The following DNAAF4 variants were observed in gnomAD, a reference collection of about 807,000 sequenced individuals.
DNAAF4 encodes the protein dynein assembly factor 4, axonemal.
Under a neutral mutation model 51.8 loss-of-function variants are expected in DNAAF4, and 43 were observed. The observed-to-expected ratio is 0.83, with a 90% CI of 0.65 to 1.07. The LOEUF is 1.07. Among genes scored for constraint, DNAAF4 ranks in the 50% least tolerant of loss-of-function variants. DNAAF4 has a pLI of 0.00. For synonymous variants in DNAAF4, 194 were observed against 165.6 expected (o/e 1.17, Z -1.32); for missense variants, 581 against 493.0 (o/e 1.18, Z -1.69).
rs2057549888 is a variant in DNAAF4, at chr15:55,433,909, T to TAAA, written c.1047+995_1047+996insTTT. Among the ~76,000 whole-genome samples, 4 of 5,634 alleles carry TAAA rather than the reference T, an allele frequency of 7.1e-4. 1 individual carries two copies. The South Asian group carries it at 0.027, about 38-fold the overall frequency. The allele number at this position is 5,634 out of a possible 152,430, so 3.7% of individuals were successfully genotyped here. A position where few individuals can be genotyped will look rare whatever the true frequency, so the allele number is the denominator to read the frequency against. On this transcript the variant is annotated intron_variant, in intron 8 of 9. Transcript: ENST00000321149. ...TTATATATATATTATATATATTATA[T>TAAA]ATAATTATATATATTATATTATATA...
chr15:55,434,001 A>T (rs1193197927), intron 8 of DNAAF4, among the ~76,000 whole-genome samples: 4 of 53,020 alleles, frequency 7.5e-5, no homozygotes, highest in Non-Finnish European at 7.6e-5. Context: ...ATATAATATT[A>T]TATATATTAT....
chr15:55,455,160 A>C (rs1252655003), intron 5 of DNAAF4, among the ~76,000 whole-genome samples: 1 of 149,468 alleles, frequency 6.7e-6, no homozygotes, highest in Non-Finnish European at 1.5e-5. Context: ...AAAACTCCAG[A>C]CCTAGACAGT....
intron 8 of DNAAF4, among the ~76,000 whole-genome samples, chr15:55,434,526 T>C (rs761086097): frequency 2.4e-4 from 36 of 151,936 alleles, no homozygotes; most frequent in Non-Finnish European, 1.5e-4. Flanking sequence ...AATGAGAAAA[T>C]GATTGTAGAG....
At chr15:55,497,131 C>G (rs927375231) in intron 3 of DNAAF4, among the ~76,000 whole-genome samples, 5 of 152,180 alleles carry the variant, frequency 3.3e-5, no homozygotes, top group African/African-American at 1.2e-4. Context: ...CCTATTAAGA[C>G]AGTCCCTAAA....
downstream of DNAAF4, among the ~76,000 whole-genome samples, chr15:55,426,394 A>T (rs902308215): frequency 2.0e-5 from 3 of 152,226 alleles, no homozygotes; most frequent in Admixed American, 6.5e-5. Flanking sequence ...GGTTGTTAAC[A>T]TCTTTGTTTC....
At chr15:55,486,438 C>T (rs8027015) in intron 4 of DNAAF4, among the ~76,000 whole-genome samples, 6,152 of 152,104 alleles carry the variant, frequency 0.04, 414 homozygotes, top group African/African-American at 0.14. Context: ...AGGTGATCCA[C>T]CTGCCTCGGC....
Position 55,467,108 on chromosome 15 carries a change from T to C in DNAAF4, c.459A>G (p.Ile153Met), listed in dbSNP as rs2058181541. 1.9e-6 allele frequency: 3 copies of C among 1,545,814 alleles called. No individual in the cohort carries two copies. The highest frequency in any genetic ancestry group is 2.6e-6 in the Non-Finnish European group (3 of 1,148,712). ...AGGCTTCCAATGCTTTAGTGGCTTT[T>C]ATCCGTTCATTTTCTTTCATATCTT... ...KIEDMKENER[I>M]KATKALEAWK... is the part of the protein sequence containing the mutation. Residue 153 changes from isoleucine (I) to methionine (M), a missense_variant, in exon 5 of 10, where the codon ATA becomes ATG. Coordinates refer to ENST00000321149, the MANE Select transcript of DNAAF4 (RefSeq NM_130810.4).
At chr15:55,419,638 G>A (rs1425629432) in intron 7 of DNAAF4, among the ~76,000 whole-genome samples, 1 of 152,124 alleles carries the variant, frequency 6.6e-6, no homozygotes, top group African/African-American at 2.4e-5. Flanking sequence ...TTTGAACCCC[G>A]ACTGATGGCA....
At chr15:55,470,940 A>C (rs1434916360) in intron 4 of DNAAF4, among the ~76,000 whole-genome samples, 5 of 139,588 alleles carry the variant, frequency 3.6e-5, no homozygotes, top group Admixed American at 8.1e-5. Context: ...TGTAGCTTCC[A>C]CTTCCTAGGC....
At chr15:55,462,172 C>A (rs2058102209) in intron 5 of DNAAF4, among the ~76,000 whole-genome samples, 1 of 151,526 alleles carries the variant, frequency 6.6e-6, no homozygotes, top group Non-Finnish European at 1.5e-5. Context: ...TAAAAAAAGT[C>A]CAGGACCAGA....
intron 1 of DNAAF4, among the ~76,000 whole-genome samples, chr15:55,502,495 T>A (rs2058704723): frequency 6.6e-6 from 1 of 152,210 alleles, no homozygotes; most frequent in African/African-American, 2.4e-5. Flanking sequence ...CTTCATGTCC[T>A]TAAGAAGGTT....
chr15:55,460,566 C>A (rs1267209251), intron 5 of DNAAF4, among the ~76,000 whole-genome samples: 1 of 152,136 alleles, frequency 6.6e-6, no homozygotes, highest in African/African-American at 2.4e-5. Context: ...CAGTACTCTA[C>A]TGACAGCACT....
intron 3 of DNAAF4, among the ~76,000 whole-genome samples, chr15:55,496,055 C>A (rs1276178261): frequency 6.6e-6 from 1 of 152,190 alleles, no homozygotes; most frequent in Non-Finnish European, 1.5e-5. Context: ...ATAGTGAAAC[C>A]TTGTCTCTAC....
In DNAAF4 at chr15:55,420,488, A is replaced by G. The variant is rs532648994; in HGVS notation, c.1048-2355T>C. On this transcript the variant is annotated intron_variant, in intron 7 of 7. Coordinates refer to the DNAAF4 transcript ENST00000448430. Reference sequence around the variant, plus strand: ...TATTACCATCAATTAGAAAGAATAAATTTGTGAGTCATAAGGGGATTATAA... The same window carrying G: ...TATTACCATCAATTAGAAAGAATAAGTTTGTGAGTCATAAGGGGATTATAA... Among the ~76,000 whole-genome samples the G allele has an allele frequency of 2.0e-5, 3 of 152,270 alleles. No individual in the cohort carries two copies. The East Asian group carries it at 5.8e-4, about 29-fold the overall frequency.
At chr15:55,488,832 T>A (rs982395013) in intron 4 of DNAAF4, among the ~76,000 whole-genome samples, 1 of 152,190 alleles carries the variant, frequency 6.6e-6, no homozygotes, top group East Asian at 1.9e-4. Context: ...CTCACACCTG[T>A]AATCCCAGCA....
chr15:55,500,280 G>A (rs902532357), intron 1 of DNAAF4, among the ~76,000 whole-genome samples: 4 of 152,086 alleles, frequency 2.6e-5, no homozygotes, highest in African/African-American at 9.7e-5. Flanking sequence ...TCAAGCTTCT[G>A]GTAACTTTGA....
intron 5 of DNAAF4, among the ~76,000 whole-genome samples, chr15:55,463,185 C>CAT (rs1242508398): frequency 1.3e-5 from 2 of 151,386 alleles, no homozygotes; most frequent in Non-Finnish European, 2.9e-5. Context: ...CACACACACA[C>CAT]ACACACACAC....
At chr15:55,507,187 T>A (rs1240959258) in intron 1 of DNAAF4, among the ~76,000 whole-genome samples, 2 of 152,156 alleles carry the variant, frequency 1.3e-5, no homozygotes, top group Non-Finnish European at 2.9e-5. Context: ...CTGAATCCAC[T>A]AGATAAGGAT....
At chr15:55,460,777 T>TG (rs1326078553) in intron 5 of DNAAF4, among the ~76,000 whole-genome samples, 2 of 152,038 alleles carry the variant, frequency 1.3e-5, no homozygotes, top group African/African-American at 4.8e-5. Context: ...ATTTTTTTTT[T>TG]TTTTTGAGAC....
Sources: allele counts gnomAD v4.1 joint callset (sites outside exome capture counted in the v4.1 genomes callset), GRCh38; gene constraint gnomAD v4.1.1; transcripts MANE v1.5; gene names NCBI Gene and HGNC (gene_info 2026-07-23, HGNC 2026-07-21).